The following RNF180 variants were observed in gnomAD, a reference collection of about 807,000 sequenced individuals.
The protein encoded by RNF180 is ring finger protein 180.
RNF180 carries 38 observed loss-of-function variants against 59.2 expected under a neutral mutation model. The ratio of observed to expected loss-of-function variants is 0.64; its 90% CI spans 0.50 to 0.84. The LOEUF is 0.84. RNF180 is among the 40% of genes least tolerant of loss of function. The probability of loss-of-function intolerance (pLI) is 0.00; values close to 1 mark genes in which losing one functional copy is unlikely to be tolerated. For missense variants in RNF180, 705 were observed against 700.9 expected, an observed-to-expected ratio of 1.01 and a Z score of -0.07; for synonymous variants, 262 against 240.3, an observed-to-expected ratio of 1.09 and a Z score of -0.84.
intron 7 of RNF180, among the ~76,000 whole-genome samples, chr5:64,336,746 G>C (rs1327276107): frequency 1.3e-5 from 2 of 151,690 alleles, no homozygotes; most frequent in Non-Finnish European, 2.9e-5. Flanking sequence ...TTTTACTATG[G>C]GGGTTTCTGC....
chr5:64,274,794 T>TA (rs2112365164), intron 5 of RNF180, among the ~76,000 whole-genome samples: 1 of 152,132 alleles, frequency 6.6e-6, no homozygotes, highest in Non-Finnish European at 1.5e-5. Context: ...CTGCTATACA[T>TA]AGAGTGTAGA....
chr5:64,196,041 A>G (rs1279283940), intron 1 of RNF180, among the ~76,000 whole-genome samples: 1 of 152,250 alleles, frequency 6.6e-6, no homozygotes, highest in Non-Finnish European at 1.5e-5. Context: ...CATCAGTGTT[A>G]CAATGGAAAT....
intron 4 of RNF180, among the ~76,000 whole-genome samples, chr5:64,216,457 T>A (rs1161779169): frequency 1.3e-5 from 2 of 152,186 alleles, no homozygotes; most frequent in Non-Finnish European, 2.9e-5. Flanking sequence ...TTGCCCTTTT[T>A]AAAATGAGGA....
intron 1 of RNF180, among the ~76,000 whole-genome samples, chr5:64,177,550 T>C (rs1750313924): frequency 7.0e-6 from 1 of 142,674 alleles, no homozygotes; most frequent in South Asian, 2.2e-4. Flanking sequence ...TATATATATA[T>C]ATATATATAT....
intron 1 of RNF180, among the ~76,000 whole-genome samples, chr5:64,185,647 A>G (rs1244292547): frequency 6.6e-6 from 1 of 152,206 alleles, no homozygotes; most frequent in African/African-American, 2.4e-5. Context: ...TTCAATGCCC[A>G]AAGAGAGAAC....
chr5:64,177,526 C>CATATATATATATATAT (rs58046669), intron 1 of RNF180, among the ~76,000 whole-genome samples: 32 of 105,218 alleles, frequency 3.0e-4, no homozygotes, highest in Admixed American at 8.1e-4. Context: ...TAAATTATGC[C>CATATATATATATATAT]ATATATATAT....
At chr5:64,239,573 G>A (rs533458199) in intron 5 of RNF180, among the ~76,000 whole-genome samples, 8 of 152,200 alleles carry the variant, frequency 5.3e-5, no homozygotes, top group African/African-American at 1.7e-4. Context: ...GTTAAGAGCT[G>A]TTGTATTGAT....
At chr5:64,181,613 C>T (rs1327093892) in intron 1 of RNF180, among the ~76,000 whole-genome samples, 1 of 152,088 alleles carries the variant, frequency 6.6e-6, no homozygotes, top group Non-Finnish European at 1.5e-5. Flanking sequence ...CAACCTTTGC[C>T]TAGATAGGAG....
At chr5:64,234,439 A>G (rs1437780219) in intron 5 of RNF180, among the ~76,000 whole-genome samples, 1 of 151,894 alleles carries the variant, frequency 6.6e-6, no homozygotes, top group African/African-American at 2.4e-5. Flanking sequence ...GCACTCCAGC[A>G]TGGGCAAAAG....
intron 5 of RNF180, among the ~76,000 whole-genome samples, chr5:64,244,813 G>GA (rs1359138693): frequency 2.0e-5 from 3 of 152,124 alleles, no homozygotes; most frequent in African/African-American, 4.8e-5. Flanking sequence ...TGAAATGAAG[G>GA]AAAAAACGTT....
rs551364235 is a variant in RNF180 at position 64,210,817 on chromosome 5, T to C, written c.136-1248T>C. Among the ~76,000 whole-genome samples the C allele has an allele frequency of 5.9e-5, 9 of 152,278 alleles. No individual in the cohort carries two copies. The South Asian group carries it at 1.9e-3, about 32-fold the overall frequency. On this transcript the variant is annotated intron_variant, in intron 2 of 7. Transcript: ENST00000389100. ...CACTGTTATAGGACTAACAGTTTCATATGCCCGTGTAGTAACAGATCAATA... is the reference window on the plus strand; with the variant it reads ...CACTGTTATAGGACTAACAGTTTCACATGCCCGTGTAGTAACAGATCAATA...
intron 1 of RNF180, among the ~76,000 whole-genome samples, chr5:64,184,587 T>C (rs1028532449): frequency 1.3e-5 from 2 of 152,218 alleles, no homozygotes; most frequent in East Asian, 3.9e-4. Context: ...TTTCTCTTTT[T>C]AAATTCATTT....
chr5:64,227,952 A>T (rs1255257736), intron 5 of RNF180, among the ~76,000 whole-genome samples: 1 of 152,108 alleles, frequency 6.6e-6, no homozygotes, highest in Admixed American at 6.5e-5. Context: ...ACTTGCTGGT[A>T]GTGCTTCCTT....
At position 64,281,718 on chromosome 5, in the gene RNF180, G is replaced by A. The variant is rs147725170; in HGVS notation, c.1228-43468G>A. ...TCACCATGTTGGCCAGGCTGGTCTC[G>A]AACTCCTGACCTTGTGATCCACCCG... On this transcript the variant is annotated intron_variant, in intron 5 of 7. Coordinates refer to ENST00000389100, the MANE Select transcript of RNF180 (RefSeq NM_001113561.2). 3.4e-4 allele frequency among the ~76,000 whole-genome samples: 51 copies of A among 152,198 alleles called. No homozygotes were observed. The East Asian group carries it at 8.5e-3, about 25-fold the overall frequency.
chr5:64,181,916 C>T (rs928265035), intron 1 of RNF180, among the ~76,000 whole-genome samples: 1 of 150,492 alleles, frequency 6.6e-6, no homozygotes, highest in Admixed American at 6.6e-5. Flanking sequence ...CCCTTAATTG[C>T]TTTGGTCAGG....
intron 2 of RNF180, among the ~76,000 whole-genome samples, 180 bp from the exon 3 acceptor site, chr5:64,211,885 T>C (rs1438721527): frequency 6.6e-6 from 1 of 152,170 alleles, no homozygotes; most frequent in Non-Finnish European, 1.5e-5. Context: ...CTGAAGAAAT[T>C]TTTAAAAAAT....
At chr5:64,362,412 A>G (rs1333035412) in intron 7 of RNF180, among the ~76,000 whole-genome samples, 1 of 151,936 alleles carries the variant, frequency 6.6e-6, no homozygotes, top group African/African-American at 2.4e-5. Context: ...TGCAAAGGCC[A>G]TGATCTCATT....
intron 1 of RNF180, among the ~76,000 whole-genome samples, chr5:64,188,519 A>G (rs1461141699): frequency 6.6e-6 from 1 of 152,096 alleles, no homozygotes; most frequent in Admixed American, 6.6e-5. Flanking sequence ...TTATTTAAGC[A>G]TTTTATTTTC....
chr5:64,331,097 A>G (rs562394648), intron 7 of RNF180, among the ~76,000 whole-genome samples: 2 of 152,330 alleles, frequency 1.3e-5, no homozygotes, highest in African/African-American at 2.4e-5. Context: ...CAGTCCTGAC[A>G]TGCCAGCCCC....
Sources: allele counts gnomAD v4.1 joint callset (sites outside exome capture counted in the v4.1 genomes callset), GRCh38; gene constraint gnomAD v4.1.1; transcripts MANE v1.5; gene names NCBI Gene and HGNC (gene_info 2026-07-23, HGNC 2026-07-21).